The following FAM200B variants were observed in gnomAD, a reference collection of about 807,000 sequenced individuals.
The protein encoded by FAM200B is protein FAM200B.
Under a neutral mutation model 33.1 loss-of-function variants are expected in FAM200B, and 32 were observed. The ratio of observed to expected loss-of-function variants is 0.97; its 90% CI spans 0.73 to 1.30. The LOEUF (loss-of-function observed/expected upper bound fraction) is 1.30, where lower values mean the gene tolerates loss of function less well. FAM200B is among the 50% of genes most tolerant of loss of function. The pLI is 0.00. For missense variants in FAM200B, 741 were observed against 754.0 expected (o/e 0.98, Z 0.20); for synonymous variants, 240 against 264.8 (o/e 0.91, Z 0.91).
At chr4:15,646,459 T>TG in the FAM200B span, among the ~76,000 whole-genome samples, 10,194 of 148,124 alleles carry the variant, frequency 0.069, 456 homozygotes, top group Non-Finnish European at 0.094. Flanking sequence ...TATCATTTTT[T>TG]GGAAAAAAAA....
intron 1 of FAM200B, among the ~76,000 whole-genome samples, chr4:15,683,089 G>A (rs4333182): frequency 0.66 from 100,112 of 152,032 alleles, 33,151 homozygotes; most frequent in Non-Finnish European, 0.69. Flanking sequence ...GATTAGTGAC[G>A]GGGAATTTTA....
chr4:15,669,752 T>C, the FAM200B span, among the ~76,000 whole-genome samples: 1 of 152,226 alleles, frequency 6.6e-6, no homozygotes, highest in Non-Finnish European at 1.5e-5. Flanking sequence ...TTTTTTCTTA[T>C]TGAAAAGCAA....
At chr4:15,686,095 A>T (rs1718818145) in intron 1 of FAM200B, 141 bp from the exon 2 acceptor site, 1 of 152,200 alleles carries the variant, frequency 6.6e-6, no homozygotes, top group Non-Finnish European at 1.5e-5. Context: ...GCCTAAGCCA[A>T]TATAAGATAG....
the FAM200B span, among the ~76,000 whole-genome samples, chr4:15,662,304 A>C: frequency 6.6e-6 from 1 of 152,208 alleles, no homozygotes; most frequent in Admixed American, 6.5e-5. Context: ...GGTAGTCTTC[A>C]TATTTAAGTT....
chr4:15,680,996 A>G (rs1457594597), upstream of FAM200B, among the ~76,000 whole-genome samples: 1 of 150,226 alleles, frequency 6.7e-6, no homozygotes, highest in African/African-American at 2.4e-5. Flanking sequence ...CCACAAAAAA[A>G]TTTGGTTTGT....
chr4:15,646,854 ATTAT>A, the FAM200B span, among the ~76,000 whole-genome samples: 4 of 151,918 alleles, frequency 2.6e-5, no homozygotes, highest in African/African-American at 9.7e-5. Context: ...GCTTCTAGAT[ATTAT>A]TTTTTTAATG....
Position 15,681,851 on chromosome 4 carries a change from C to G in FAM200B, c.-793C>G, listed in dbSNP as rs562369709. Reference sequence around the variant, plus strand: ...CAGAGGCGCAGCTCTGCTGGAGAGACCTGAGGCTTGCAGCGCTGGGCCCGG... The same window carrying G: ...CAGAGGCGCAGCTCTGCTGGAGAGAGCTGAGGCTTGCAGCGCTGGGCCCGG... On this transcript the variant is annotated 5_prime_UTR_variant, in exon 1 of 2. Coordinates refer to ENST00000422728, the MANE Select transcript of FAM200B (RefSeq NM_001145191.2). 6.5e-6 allele frequency: 1 copy of G among 152,976 alleles called. No homozygotes were observed. The highest frequency in any genetic ancestry group is 1.5e-5 in the Non-Finnish European group (1 of 68,650). The allele number at this position is 152,976 out of a possible 1,614,324, so 9.5% of individuals were successfully genotyped here. A position where few individuals can be genotyped will look rare whatever the true frequency, so the allele number is the denominator to read the frequency against.
At chr4:15,677,723 C>T (rs1718047350), upstream of FAM200B, among the ~76,000 whole-genome samples, 1 of 152,134 alleles carries the variant, frequency 6.6e-6, no homozygotes. Context: ...TTGGCTGTTC[C>T]CAAGTTGTAT....
At chr4:15,659,292 A>G in the FAM200B span, among the ~76,000 whole-genome samples, 1 of 152,212 alleles carries the variant, frequency 6.6e-6, no homozygotes, top group Non-Finnish European at 1.5e-5. Context: ...ACAAACCAAA[A>G]TACTCCTGTT....
chr4:15,645,585 G>A, the FAM200B span, among the ~76,000 whole-genome samples: 1 of 151,966 alleles, frequency 6.6e-6, no homozygotes, highest in Admixed American at 6.6e-5. Context: ...TCGCCACCAC[G>A]CCCGGCTAAT....
chr4:15,650,808 T>C, the FAM200B span, among the ~76,000 whole-genome samples: 1 of 151,968 alleles, frequency 6.6e-6, no homozygotes, highest in South Asian at 2.1e-4. Flanking sequence ...AATTTTTGTA[T>C]TTTTAGTAGA....
chr4:15,672,520 C>T, the FAM200B span, among the ~76,000 whole-genome samples: 1 of 152,152 alleles, frequency 6.6e-6, no homozygotes, highest in Non-Finnish European at 1.5e-5. Context: ...ATTTGTCACA[C>T]AATGGTATTT....
chr4:15,669,414 C>A, the FAM200B span, among the ~76,000 whole-genome samples: 6 of 152,096 alleles, frequency 3.9e-5, no homozygotes, highest in Non-Finnish European at 7.4e-5. Flanking sequence ...AACAGAATGT[C>A]ATTATATATC....
chr4:15,667,491 C>T, the FAM200B span, among the ~76,000 whole-genome samples: 10,574 of 151,974 alleles, frequency 0.07, 479 homozygotes, highest in Middle Eastern at 0.099. Context: ...GAATAGTATT[C>T]CATTTGAATA....
chr4:15,644,943 A>G, the FAM200B span, among the ~76,000 whole-genome samples: 3 of 152,300 alleles, frequency 2.0e-5, no homozygotes, highest in Admixed American at 6.5e-5. Flanking sequence ...CAGAAAAATG[A>G]TATGTGCACA....
chr4:15,644,766 A>G, the FAM200B span: 1 of 1,248,800 alleles, frequency 8.0e-7, no homozygotes, highest in African/African-American at 1.6e-5. Flanking sequence ...GCACAAATAA[A>G]AAATATTCAA....
At chr4:15,683,839 A>C (rs1464324348) in intron 1 of FAM200B, among the ~76,000 whole-genome samples, 2 of 152,232 alleles carry the variant, frequency 1.3e-5, no homozygotes, top group Admixed American at 6.5e-5. Context: ...TAGAGTGTAC[A>C]TTGTACAGTT....
rs762641823 is a variant in FAM200B, at chr4:15,688,369, A to G, written c.1392A>G (p.Arg464=). Residue 464 remains arginine, a synonymous_variant, in exon 2 of 2, where the codon CGA becomes CGG. Coordinates refer to ENST00000422728, the MANE Select transcript of FAM200B (RefSeq NM_001145191.2). ...ATGTTGAACGTATCCAGGGATTTCG[A>G]AAGACATTATTGTTATGGCAAGTAA... ...FQHVERIQGF[R]KTLLLWQVRL... is the part of the protein sequence containing the mutation. 1 of 1,550,330 alleles carries G rather than the reference A, an allele frequency of 6.5e-7. No individual in the cohort carries two copies. Among genetic ancestry groups the G allele is most frequent in the Non-Finnish European group, 8.7e-7 (1 of 1,145,830 alleles).
chr4:15,645,370 AG>A, the FAM200B span, among the ~76,000 whole-genome samples: 1 of 152,192 alleles, frequency 6.6e-6, no homozygotes, highest in Non-Finnish European at 1.5e-5. Flanking sequence ...CACATTCTCT[AG>A]GATGGGATAC....
Sources: gnomAD v4.1 joint callset for allele counts (sites outside exome capture counted in the v4.1 genomes callset) on GRCh38, gnomAD v4.1.1 for gene constraint, MANE v1.5 for transcripts, NCBI Gene and HGNC (gene_info 2026-07-23, HGNC 2026-07-21) for gene names.